MDGA2: variants seen among roughly 807,000 people sequenced by gnomAD.
MDGA2 encodes the protein MAM domain containing glycosylphosphatidylinositol anchor 2, also known as MAM domain-containing glycosylphosphatidylinositol anchor protein 2.
MDGA2 carries 40 observed loss-of-function variants against 117.8 expected under a neutral mutation model. That is an observed-to-expected ratio of 0.34 (90% CI 0.26 to 0.44). The LOEUF (loss-of-function observed/expected upper bound fraction) is 0.44, where lower values mean the gene tolerates loss of function less well. MDGA2 is among the 20% of genes least tolerant of loss of function. MDGA2 has a pLI of 1.00. For synonymous variants in MDGA2, 452 were observed against 439.0 expected, an observed-to-expected ratio of 1.03 and a Z score of -0.37; for missense variants, 1,123 against 1,250.6, an observed-to-expected ratio of 0.90 and a Z score of 1.54.
chr14:47,235,225 A>G (rs535247881), intron 2 of MDGA2, among the ~76,000 whole-genome samples: 1 of 152,228 alleles, frequency 6.6e-6, no homozygotes, highest in Non-Finnish European at 1.5e-5. Context: ...AATGCCTATT[A>G]GTAATAGCTC....
At chr14:46,910,432 T>C (rs1329923501) in intron 10 of MDGA2, among the ~76,000 whole-genome samples, 1 of 152,180 alleles carries the variant, frequency 6.6e-6, no homozygotes, top group Non-Finnish European at 1.5e-5. Flanking sequence ...CTCCCCACTT[T>C]TCAAGGTAAA....
At chr14:47,643,197 T>A (rs987682949) in intron 1 of MDGA2, among the ~76,000 whole-genome samples, 6 of 152,098 alleles carry the variant, frequency 3.9e-5, no homozygotes, top group African/African-American at 1.4e-4. Context: ...TCTTCATTTA[T>A]TTTTAATTCT....
At chr14:47,286,836 T>TACACAC (rs1888702014) in intron 2 of MDGA2, among the ~76,000 whole-genome samples, 1 of 111,964 alleles carries the variant, frequency 8.9e-6, no homozygotes, top group African/African-American at 3.2e-5. Flanking sequence ...CATATATATA[T>TACACAC]GTATATATAT....
At chr14:47,222,763 A>T (rs1220627186) in intron 2 of MDGA2, among the ~76,000 whole-genome samples, 1 of 152,228 alleles carries the variant, frequency 6.6e-6, no homozygotes, top group African/African-American at 2.4e-5. Context: ...AGTTCAATAC[A>T]GCTATAAATA....
intron 1 of MDGA2, among the ~76,000 whole-genome samples, chr14:47,435,419 C>A (rs1248221533): frequency 1.3e-5 from 2 of 152,202 alleles, no homozygotes; most frequent in East Asian, 3.9e-4. Flanking sequence ...TGCACATTTT[C>A]ACCTGGACCC....
intron 15 of MDGA2, among the ~76,000 whole-genome samples, chr14:46,852,423 G>C (rs916250112): frequency 6.6e-6 from 1 of 151,722 alleles, no homozygotes; most frequent in African/African-American, 2.4e-5. Context: ...AATCTGAGTT[G>C]AGGAGATGAG....
chr14:47,552,115 C>T (rs1311866726), intron 1 of MDGA2, among the ~76,000 whole-genome samples: 3 of 152,022 alleles, frequency 2.0e-5, no homozygotes, highest in Non-Finnish European at 4.4e-5. Context: ...TTCATATTAC[C>T]CTGCTTTTAT....
chr14:47,146,181 A>G (rs1882937742), intron 3 of MDGA2, among the ~76,000 whole-genome samples: 1 of 152,206 alleles, frequency 6.6e-6, no homozygotes, highest in Admixed American at 6.5e-5. Flanking sequence ...GAATCAAAGT[A>G]AAGAACAGAA....
intron 2 of MDGA2, among the ~76,000 whole-genome samples, chr14:47,244,705 T>G (rs563406550): frequency 6.6e-6 from 1 of 151,952 alleles, no homozygotes; most frequent in African/African-American, 2.4e-5. Context: ...TATTTTTCAA[T>G]GACATGACAT....
chr14:47,252,050 C>A (rs1339199154), intron 2 of MDGA2, among the ~76,000 whole-genome samples: 1 of 152,024 alleles, frequency 6.6e-6, no homozygotes. Context: ...ATTCTTCCTT[C>A]TTCCTCTACT....
chr14:47,599,055 C>G (rs1009773451), intron 1 of MDGA2, among the ~76,000 whole-genome samples: 6 of 151,990 alleles, frequency 3.9e-5, no homozygotes, highest in Non-Finnish European at 5.9e-5. Context: ...CTACAACCAC[C>G]ATATGTCATT....
chr14:47,149,752 T>C (rs1422107699), intron 3 of MDGA2, among the ~76,000 whole-genome samples: 1 of 152,200 alleles, frequency 6.6e-6, no homozygotes, highest in African/African-American at 2.4e-5. Context: ...CCTGCTGTCC[T>C]TGTCTAAGTG....
intron 6 of MDGA2, among the ~76,000 whole-genome samples, chr14:47,087,508 G>A (rs931664228): frequency 1.4e-5 from 2 of 143,442 alleles, no homozygotes; most frequent in African/African-American, 5.2e-5. Flanking sequence ...TAGATGGTTA[G>A]AGCAAATCTA....
At chr14:47,455,443 T>C (rs546545166) in intron 1 of MDGA2, among the ~76,000 whole-genome samples, 2 of 152,038 alleles carry the variant, frequency 1.3e-5, no homozygotes, top group East Asian at 3.9e-4. Context: ...GAGGCAGAGG[T>C]TGCAGTGAGC....
intron 9 of MDGA2, among the ~76,000 whole-genome samples, chr14:46,943,853 C>T (rs1294792188): frequency 6.6e-6 from 1 of 152,048 alleles, no homozygotes. Context: ...GTTGCAACTA[C>T]TCACCTCTGT....
At chr14:47,540,889 T>C (rs1895340169) in intron 1 of MDGA2, among the ~76,000 whole-genome samples, 2 of 152,106 alleles carry the variant, frequency 1.3e-5, no homozygotes. Flanking sequence ...ATTTGATTGG[T>C]AATTATCTGC....
At chr14:46,963,123 T>C (rs1193674764) in intron 8 of MDGA2, among the ~76,000 whole-genome samples, 3 of 152,192 alleles carry the variant, frequency 2.0e-5, no homozygotes, top group Admixed American at 6.5e-5. Flanking sequence ...GTATGTGAAT[T>C]GATGGTTAAA....
chr14:47,199,278 A>G (rs1885403676), intron 3 of MDGA2, among the ~76,000 whole-genome samples: 1 of 152,070 alleles, frequency 6.6e-6, no homozygotes, highest in South Asian at 2.1e-4. Flanking sequence ...GACACATAAA[A>G]CTTGATGTCT....
chr14:47,210,334 A>C (rs1350785472), intron 3 of MDGA2, among the ~76,000 whole-genome samples: 1 of 152,202 alleles, frequency 6.6e-6, no homozygotes, highest in Non-Finnish European at 1.5e-5. Context: ...GTGTCTGTAC[A>C]CATAAAAACT....
Sources: gnomAD v4.1 joint callset for allele counts (sites outside exome capture counted in the v4.1 genomes callset) on GRCh38, gnomAD v4.1.1 for gene constraint, MANE v1.5 for transcripts, NCBI Gene and HGNC (gene_info 2026-07-23, HGNC 2026-07-21) for gene names.